Variants in MNAT1 observed in about 807,000 individuals in gnomAD.
MNAT1 encodes the protein CDK-activating kinase assembly factor MAT1.
Under a neutral mutation model 42.0 loss-of-function variants are expected in MNAT1, and 43 were observed. The observed-to-expected ratio is 1.02, with a 90% confidence interval of 0.80 to 1.32. MNAT1 has a LOEUF of 1.32. MNAT1 is among the 40% of genes most tolerant of loss of function. The pLI is 0.00. For missense variants in MNAT1, 306 were observed against 350.4 expected (o/e 0.87, Z 1.01); for synonymous variants, 118 against 120.0 (o/e 0.98, Z 0.11).
chr14:60,927,826 A>G (rs1051455151), intron 7 of MNAT1, among the ~76,000 whole-genome samples: 1 of 152,192 alleles, frequency 6.6e-6, no homozygotes, highest in East Asian at 1.9e-4. Context: ...CCCAATGAGT[A>G]TCTCATGACT....
At chr14:60,882,950 AGTT>A (rs1317301140) in intron 7 of MNAT1, among the ~76,000 whole-genome samples, 1 of 151,950 alleles carries the variant, frequency 6.6e-6, no homozygotes, top group African/African-American at 2.4e-5. Context: ...TTTCCTGTTG[AGTT>A]GTTTGAGTTC....
In MNAT1 at chr14:60,753,319, T is replaced by C. The variant is rs935083739; in HGVS notation, c.89+18368T>C. ...TGAGTTTGAAGTGTGTGTCCACTTA[T>C]ATGTGGATTTCAAAAAACAAAACAA... On this transcript the variant is annotated intron_variant, in intron 1 of 7. Transcript: ENST00000261245. Among the ~76,000 whole-genome samples the C allele has an allele frequency of 1.1e-3, 164 of 152,294 alleles. 1 individual carries two copies. Among genetic ancestry groups the C allele is most frequent in the African/African-American group, 3.8e-3 (159 of 41,572 alleles).
At chr14:60,841,309 C>A (rs956266409) in intron 6 of MNAT1, among the ~76,000 whole-genome samples, 1 of 151,748 alleles carries the variant, frequency 6.6e-6, no homozygotes, top group Non-Finnish European at 1.5e-5. Flanking sequence ...TATTATTAAG[C>A]CTTCAATTTC....
intron 7 of MNAT1, among the ~76,000 whole-genome samples, chr14:60,898,797 A>G (rs950835850): frequency 2.6e-5 from 4 of 152,048 alleles, no homozygotes; most frequent in South Asian, 2.1e-4. Flanking sequence ...TTACTTACCT[A>G]TGCTTTTGAG....
chr14:60,845,401 A>C (rs2033657599), intron 6 of MNAT1, among the ~76,000 whole-genome samples: 1 of 152,086 alleles, frequency 6.6e-6, no homozygotes, highest in South Asian at 2.1e-4. Context: ...ATATTTTCTT[A>C]ATTCTTTAAA....
intron 7 of MNAT1, among the ~76,000 whole-genome samples, chr14:60,928,849 A>C (rs1192534140): frequency 6.6e-6 from 1 of 151,902 alleles, no homozygotes; most frequent in Non-Finnish European, 1.5e-5. Context: ...ATTTTATTAA[A>C]TATAATCTGT....
chr14:60,760,124 T>C (rs2030534250), intron 1 of MNAT1, among the ~76,000 whole-genome samples: 2 of 152,188 alleles, frequency 1.3e-5, no homozygotes, highest in Admixed American at 6.5e-5. Context: ...TATAAACTTA[T>C]GCATTAATGA....
intron 6 of MNAT1, among the ~76,000 whole-genome samples, chr14:60,824,852 A>G (rs2079999012): frequency 1.3e-5 from 2 of 152,180 alleles, no homozygotes; most frequent in Admixed American, 1.3e-4. Context: ...TTATTTTATA[A>G]TGCCCTTGAA....
chr14:60,742,725 C>G (rs903286648), intron 1 of MNAT1, among the ~76,000 whole-genome samples: 1 of 152,170 alleles, frequency 6.6e-6, no homozygotes, highest in African/African-American at 2.4e-5. Context: ...TATTCTGGAC[C>G]TTTCATATAA....
At chr14:60,863,188 G>A (rs1013476698) in intron 6 of MNAT1, among the ~76,000 whole-genome samples, 3 of 152,068 alleles carry the variant, frequency 2.0e-5, no homozygotes, top group Non-Finnish European at 4.4e-5. Flanking sequence ...AATGTGGAGA[G>A]GCTGTAAGAT....
chr14:60,961,044 C>T (rs903899904), intron 7 of MNAT1, among the ~76,000 whole-genome samples: 3 of 152,094 alleles, frequency 2.0e-5, no homozygotes, highest in South Asian at 2.1e-4. Flanking sequence ...CTCACCGCAA[C>T]CTCTACCTCC....
intron 7 of MNAT1, among the ~76,000 whole-genome samples, chr14:60,954,940 A>G (rs897650901): frequency 1.3e-5 from 2 of 152,084 alleles, no homozygotes; most frequent in African/African-American, 2.4e-5. Context: ...AGGACGTTGA[A>G]TTTTGTTAAA....
chr14:60,928,793 C>CCA (rs1228233296), intron 7 of MNAT1, among the ~76,000 whole-genome samples: 1 of 151,390 alleles, frequency 6.6e-6, no homozygotes, highest in Non-Finnish European at 1.5e-5. Flanking sequence ...AAAGCACTTG[C>CCA]CATATATATA....
intron 7 of MNAT1, among the ~76,000 whole-genome samples, chr14:60,904,996 A>G (rs1263241921): frequency 6.9e-4 from 2 of 2,886 alleles, no homozygotes; most frequent in African/African-American, 1.1e-3. Context: ...TTTTTTTTGG[A>G]CGGAGTCTCG....
At chr14:60,743,604 T>C (rs1250537343) in intron 1 of MNAT1, among the ~76,000 whole-genome samples, 2 of 152,222 alleles carry the variant, frequency 1.3e-5, no homozygotes, top group African/African-American at 4.8e-5. Flanking sequence ...GCATTTCTTA[T>C]AGTGTAGGTG....
intron 1 of MNAT1, among the ~76,000 whole-genome samples, chr14:60,750,492 A>C (rs2030033877): frequency 6.9e-6 from 1 of 144,714 alleles, no homozygotes; most frequent in Non-Finnish European, 1.5e-5. Context: ...GGCCTCCCAA[A>C]GTGCTGGGAT....
chr14:60,858,220 A>G (rs1471634229), intron 6 of MNAT1, among the ~76,000 whole-genome samples: 2 of 152,146 alleles, frequency 1.3e-5, no homozygotes, highest in Non-Finnish European at 2.9e-5. Flanking sequence ...ATTTCTCCAC[A>G]TCTTCTCCAG....
At chr14:60,951,266 C>CTTTT (rs33970682) in intron 7 of MNAT1, among the ~76,000 whole-genome samples, 10 of 87,862 alleles carry the variant, frequency 1.1e-4, no homozygotes, top group East Asian at 3.5e-4. Flanking sequence ...CTTCCCCTCC[C>CTTTT]TTTTTTTTTT....
At chr14:60,912,892 G>A (rs1193310149) in intron 7 of MNAT1, among the ~76,000 whole-genome samples, 1 of 152,318 alleles carries the variant, frequency 6.6e-6, no homozygotes, top group African/African-American at 2.4e-5. Flanking sequence ...GATTGGGGAA[G>A]TTCTCCTGGA....
Sources: allele counts gnomAD v4.1 joint callset (sites outside exome capture counted in the v4.1 genomes callset), GRCh38; gene constraint gnomAD v4.1.1; transcripts MANE v1.5; gene names NCBI Gene and HGNC (gene_info 2026-07-23, HGNC 2026-07-21).